Variants in CALML4 observed in about 807,000 individuals in gnomAD.
The protein encoded by CALML4 is calmodulin-like protein 4.
CALML4 carries 16 observed loss-of-function variants against 17.9 expected under a neutral mutation model. The ratio of observed to expected loss-of-function variants is 0.89; its 90% CI spans 0.61 to 1.36. The LOEUF (loss-of-function observed/expected upper bound fraction) is 1.36. CALML4 is among the 40% of genes most tolerant of loss of function. The probability of loss-of-function intolerance (pLI) is 0.00; values close to 1 mark genes in which losing one functional copy is unlikely to be tolerated. For missense variants in CALML4, 203 were observed against 194.8 expected (o/e 1.04, Z -0.25); for synonymous variants, 86 against 71.5 (o/e 1.20, Z -1.02).
Position 68,199,554 on chromosome 15 carries a change from C to A in CALML4, c.162G>T (p.Gln54His). 1 of 1,613,686 alleles carries A rather than the reference C, an allele frequency of 6.2e-7. No homozygotes were observed. Among genetic ancestry groups the A allele is most frequent in the Non-Finnish European group, 8.5e-7 (1 of 1,179,912 alleles). ...ACCACCACTCACCTATCCCGTGGGT[C>A]TGCAGGTGCCGCTGCACCTCCCCTG... Reference protein sequence around the residue: ...PTPGEVQRHLQTHGIDGNGEL... With the variant: ...PTPGEVQRHLHTHGIDGNGEL... Residue 54 changes from glutamine to histidine, a missense_variant, in exon 3 of 5, where the codon CAG (glutamine) becomes CAT (histidine). Physicochemically the swap from Gln to His is conservative, Grantham distance 24. Transcript: ENST00000467889.
Position 68,199,534 on chromosome 15 carries a change from C to CA in CALML4, c.175+6dup, listed in dbSNP as rs2093157995. On this transcript the variant is annotated splice_region_variant and intron_variant, in intron 3 of 4. Coordinates refer to ENST00000467889, the MANE Select transcript of CALML4 (RefSeq NM_033429.3). Reference sequence around the variant, plus strand: ...CCCCTCTCCCCGTTGTTCCCACCACCACTCACCTATCCCGTGGGTCTGCAG... The same window carrying CA: ...CCCCTCTCCCCGTTGTTCCCACCACCAACTCACCTATCCCGTGGGTCTGCAG... 6.2e-7 allele frequency: 1 copy of CA among 1,611,144 alleles called. No individual in the cohort carries two copies. The highest frequency in any genetic ancestry group is 1.7e-5 in the Admixed American group (1 of 59,696).
At chr15:68,198,088 T>G (rs1013325454) in intron 3 of CALML4, 1 of 155,002 alleles carries the variant, frequency 6.5e-6, no homozygotes, top group Non-Finnish European at 1.4e-5. Flanking sequence ...TGCCTTCCCC[T>G]CACTGCAGTC....
At position 68,191,838 on chromosome 15, in the gene CALML4, T is replaced by TCAAA. The variant is rs2093121748; in HGVS notation, c.*2173_*2176dup. On this transcript the variant is annotated 3_prime_UTR_variant, in exon 5 of 5. Coordinates refer to ENST00000467889, the MANE Select transcript of CALML4 (RefSeq NM_033429.3). The stretch of plus-strand genomic sequence containing the variant: ...GCCCTTCCTCGGGTAGAGGTTTGAA[T>TCAAA]CAAACACTTAATAGGATCTTAGACT... 1 of 152,146 alleles carries TCAAA rather than the reference T, an allele frequency of 6.6e-6. No homozygotes were observed. The highest frequency in any genetic ancestry group is 6.5e-5 in the Admixed American group (1 of 15,268). 9.4% of individuals were successfully genotyped at this position (152,146 alleles called of 1,614,324 possible). A position where few individuals can be genotyped will look rare whatever the true frequency, so the allele number is the denominator to read the frequency against.
At chr15:68,202,523 T>C (rs1047554145) in intron 2 of CALML4, among the ~76,000 whole-genome samples, 1 of 152,164 alleles carries the variant, frequency 6.6e-6, no homozygotes, top group African/African-American at 2.4e-5. Context: ...GGAGAATCCC[T>C]TGAGTCTGGG....
chr15:68,193,467 G>A lies in CALML4; in HGVS notation c.*548C>T, dbSNP rs956910807. The stretch of plus-strand genomic sequence containing the variant: ...TGTAAATGGGCCTCTGGCACTGCAA[G>A]AATTGTTGTCATAAGTGTTACAGCT... On this transcript the variant is annotated 3_prime_UTR_variant, in exon 5 of 5. Transcript: ENST00000467889. 3.3e-5 allele frequency: 5 copies of A among 152,750 alleles called. No individual in the cohort carries two copies. The highest frequency in any genetic ancestry group is 5.8e-5 in the Non-Finnish European group (4 of 68,424). 9.5% of individuals were successfully genotyped at this position (152,750 alleles called of 1,614,324 possible). A position where few individuals can be genotyped will look rare whatever the true frequency, so the allele number is the denominator to read the frequency against.
rs1189451261 is a variant in CALML4 at position 68,191,766 on chromosome 15, G to A, written c.*2249C>T. 2.6e-5 allele frequency: 4 copies of A among 152,196 alleles called. No homozygotes were observed. The highest frequency in any genetic ancestry group is 5.9e-5 in the Non-Finnish European group (4 of 68,038). The allele number at this position is 152,196 out of a possible 1,614,324, so 9.4% of individuals were successfully genotyped here. Reference sequence around the variant, plus strand: ...ACACTAGGTGCTAGAGAAACCAGCTGGAATTTCAGGAATGAGCTTGAAACC... The same window carrying A: ...ACACTAGGTGCTAGAGAAACCAGCTAGAATTTCAGGAATGAGCTTGAAACC... On this transcript the variant is annotated 3_prime_UTR_variant, in exon 5 of 5. Transcript: ENST00000467889.
Position 68,193,613 on chromosome 15 carries a change from T to C in CALML4, c.*402A>G, listed in dbSNP as rs2093130271. 1 of 173,656 alleles carries C rather than the reference T, an allele frequency of 5.8e-6. No individual in the cohort carries two copies. Among genetic ancestry groups the C allele is most frequent in the Non-Finnish European group, 1.2e-5 (1 of 81,316 alleles). 10.8% of individuals were successfully genotyped at this position (173,656 alleles called of 1,614,324 possible). A position where few individuals can be genotyped will look rare whatever the true frequency, so the allele number is the denominator to read the frequency against. On this transcript the variant is annotated 3_prime_UTR_variant, in exon 5 of 5. Coordinates refer to ENST00000467889, the MANE Select transcript of CALML4 (RefSeq NM_033429.3). ...CTCTTGGTAGATTGCCCTTAAGTCATCAGCTCAATCCTTCCTCAACAGGCT... is the reference window on the plus strand; with the variant it reads ...CTCTTGGTAGATTGCCCTTAAGTCACCAGCTCAATCCTTCCTCAACAGGCT...
rs1261731418 is a variant in CALML4, at chr15:68,205,108, A to C, written c.34+13T>G. On this transcript the variant is annotated intron_variant, in intron 2 of 4. Coordinates refer to ENST00000467889, the MANE Select transcript of CALML4 (RefSeq NM_033429.3). The surrounding 1 kb of genome is among the most constrained non-coding windows in gnomAD (Gnocchi z 4.8). ...TTTGCTGAGTTGCTAATCAAAGAAC[A>C]AACCCAACCTACCATTAATTTGGTC... The C allele has an allele frequency of 5.6e-6, 9 of 1,613,930 alleles. No individual in the cohort carries two copies. In the East Asian group the frequency reaches 1.8e-4, roughly 32 times the overall value.
At chr15:68,205,475 TGCAGAAG>T (rs2093180301), upstream of CALML4, 1 of 1,436,002 alleles carries the variant, frequency 7.0e-7, no homozygotes, top group Non-Finnish European at 9.5e-7. This position sits in a 1 kb window ranked among gnomAD's most constrained non-coding sequence, Gnocchi z 4.8. Flanking sequence ...GAAATGGGGC[TGCAGAAG>T]GCTCTCCCTG....
chr15:68,198,268 G>A (rs940793907), intron 3 of CALML4: 3 of 152,316 alleles, frequency 2.0e-5, no homozygotes, highest in Admixed American at 1.3e-4. Context: ...GCAACCCACC[G>A]CCAGGCTGCA....
chr15:68,198,607 G>C (rs1384505529), intron 3 of CALML4: 2 of 152,224 alleles, frequency 1.3e-5, no homozygotes, highest in Non-Finnish European at 1.5e-5. Flanking sequence ...ATGAAAAGCT[G>C]TATGTGTTCT....
chr15:68,205,697 A>T, upstream of CALML4: 1 of 320,866 alleles, frequency 3.1e-6, no homozygotes, highest in Admixed American at 4.1e-5. This position sits in a 1 kb window ranked among gnomAD's most constrained non-coding sequence, Gnocchi z 4.8. Flanking sequence ...GAGGAAGGGA[A>T]CCCTTCCAAG....
At chr15:68,205,679 T>G, upstream of CALML4, 1 of 363,256 alleles carries the variant, frequency 2.8e-6, no homozygotes, top group Non-Finnish European at 5.2e-6. The surrounding 1 kb of genome is among the most constrained non-coding windows in gnomAD (Gnocchi z 4.8). Flanking sequence ...TCACACACCA[T>G]CTTGTAGGAG....
intron 4 of CALML4, among the ~76,000 whole-genome samples, chr15:68,196,780 T>C (rs2093146297): frequency 1.3e-5 from 2 of 152,182 alleles, no homozygotes; most frequent in Admixed American, 6.5e-5. Flanking sequence ...GACAGCCTGC[T>C]AGGCTGCAGG....
Position 68,205,311 on chromosome 15 carries a change from T to C in CALML4, c.-64A>G, listed in dbSNP as rs778478306. ...CAGAACCGCGTTCAGTTCCCTTTCC[T>C]CCAGCCTCAAGTCTAAAGTCTGCCA... On this transcript the variant is annotated 5_prime_UTR_variant, in exon 1 of 5. Transcript: ENST00000467889. This position sits in a 1 kb window ranked among gnomAD's most constrained non-coding sequence, Gnocchi z 4.8. The C allele has an allele frequency of 3.7e-6, 6 of 1,613,940 alleles. No individual in the cohort carries two copies. The African/African-American group carries it at 8.0e-5, about 22-fold the overall frequency.
Position 68,205,297 on chromosome 15 carries a change from T to C in CALML4, c.-50A>G, listed in dbSNP as rs1396559488. On this transcript the variant is annotated 5_prime_UTR_variant, in exon 1 of 5. Coordinates refer to ENST00000467889, the MANE Select transcript of CALML4 (RefSeq NM_033429.3). This position sits in a 1 kb window ranked among gnomAD's most constrained non-coding sequence, Gnocchi z 4.8. ...GGGCTTGCTGCTCCCAGAACCGCGTTCAGTTCCCTTTCCTCCAGCCTCAAG... is the reference window on the plus strand; with the variant it reads ...GGGCTTGCTGCTCCCAGAACCGCGTCCAGTTCCCTTTCCTCCAGCCTCAAG... The C allele has an allele frequency of 6.2e-7, 1 of 1,614,102 alleles. No homozygotes were observed. Among genetic ancestry groups the C allele is most frequent in the East Asian group, 2.2e-5 (1 of 44,862 alleles).
At position 68,200,011 on chromosome 15, in the gene CALML4, C is replaced by T. The variant is rs1192442783; in HGVS notation, c.35-330G>A. The stretch of plus-strand genomic sequence containing the variant: ...TTTATCTGGCTCCCCTTCCCTTTCT[C>T]CCTACTCCCTCCCTTCCTTCTCCCT... On this transcript the variant is annotated intron_variant, in intron 2 of 4. Coordinates refer to ENST00000467889, the MANE Select transcript of CALML4 (RefSeq NM_033429.3). The surrounding 1 kb of genome is among the most constrained non-coding windows in gnomAD (Gnocchi z 4.3). 5.7e-6 allele frequency: 1 copy of T among 174,940 alleles called. No homozygotes were observed. Among genetic ancestry groups the T allele is most frequent in the East Asian group, 1.7e-4 (1 of 6,008 alleles). 10.8% of individuals were successfully genotyped at this position (174,940 alleles called of 1,614,324 possible).
At chr15:68,201,356 C>G (rs1209375115) in intron 2 of CALML4, among the ~76,000 whole-genome samples, 1 of 152,232 alleles carries the variant, frequency 6.6e-6, no homozygotes, top group Non-Finnish European at 1.5e-5. Context: ...TGCAAGAGGG[C>G]CCAGTGCCAG....
intron 4 of CALML4, among the ~76,000 whole-genome samples, chr15:68,195,432 G>A (rs904912978): frequency 6.6e-6 from 1 of 152,210 alleles, no homozygotes; most frequent in Non-Finnish European, 1.5e-5. Context: ...CAATCAGCCA[G>A]GTGGCTAAAA....
Sources: allele counts gnomAD v4.1 joint callset (sites outside exome capture counted in the v4.1 genomes callset), GRCh38; gene constraint gnomAD v4.1.1; non-coding constraint Gnocchi (gnomAD v3.1); transcripts MANE v1.5; gene names NCBI Gene and HGNC (gene_info 2026-07-23, HGNC 2026-07-21).